Variants in FAM111A observed in about 807,000 individuals in gnomAD.
FAM111A encodes serine protease FAM111A.
Under a neutral mutation model 3.3 loss-of-function variants are expected in FAM111A, and 8 were observed. The observed-to-expected ratio is 2.39, with a 90% CI of 1.40 to 4.32. FAM111A has a LOEUF of 4.32. Ranked by LOEUF, FAM111A falls within the 30% of genes most tolerant of loss-of-function variation. The pLI, the probability that FAM111A is intolerant of heterozygous loss-of-function variation, is 0.00. For synonymous variants in FAM111A, 227 were observed against 243.1 expected (o/e 0.93, Z 0.62); for missense variants, 683 against 727.6 (o/e 0.94, Z 0.71).
chr11:59,146,319 A>C (rs1216943628), intron 4 of FAM111A, among the ~76,000 whole-genome samples: 9 of 152,206 alleles, frequency 5.9e-5, no homozygotes, highest in African/African-American at 2.2e-4. Flanking sequence ...CCTGACTTCA[A>C]GTGATCCATC....
chr11:59,152,213 T>C lies in FAM111A; in HGVS notation c.545T>C (p.Val182Ala). The C allele has an allele frequency of 6.2e-7, 1 of 1,614,158 alleles. No homozygotes were observed. The highest frequency in any genetic ancestry group is 8.5e-7 in the Non-Finnish European group (1 of 1,180,026). Reference sequence around the variant, plus strand: ...CAGGACAAAGCATCGACTGAATGTGTCAAATTTTACATTCATGCAATTGGA... The same window carrying C: ...CAGGACAAAGCATCGACTGAATGTGCCAAATTTTACATTCATGCAATTGGA... Reference protein sequence around the residue: ...GRQDKASTECVKFYIHAIGIG... With the variant: ...GRQDKASTECAKFYIHAIGIG... Residue 182 changes from valine (V) to alanine (A), a missense_variant, in exon 6 of 6, where the codon GTC (valine) becomes GCC (alanine). By Grantham distance (64) the Val-to-Ala change is moderately conservative. Coordinates refer to ENST00000675163, the MANE Select transcript of FAM111A (RefSeq NM_001312909.2).
At chr11:59,147,715 CA>C (rs1298667852) in intron 4 of FAM111A, among the ~76,000 whole-genome samples, 1 of 152,108 alleles carries the variant, frequency 6.6e-6, no homozygotes, top group Non-Finnish European at 1.5e-5. Flanking sequence ...AAAAAATGAA[CA>C]ATTAACTATG....
chr11:59,145,156 C>T (rs142876409), intron 3 of FAM111A: 1 of 152,674 alleles, frequency 6.5e-6, no homozygotes, highest in East Asian at 1.9e-4. Flanking sequence ...TGCCCTTGCC[C>T]CTGGAAAGGC....
Position 59,152,540 on chromosome 11 carries a change from T to G in FAM111A, c.872T>G (p.Val291Gly). ...GAGTCAGAGAAAAGAAACACCTGTG[T>G]GTTGAGAGAACAAATCGTGGCTCAG... is the stretch of plus-strand genomic sequence containing the variant. ...NPESEKRNTCVLREQIVAQYP... is the reference protein window; with the variant it reads ...NPESEKRNTCGLREQIVAQYP... The change falls in exon 6 of 6, where the codon GTG (valine) becomes GGG (glycine). Residue 291 changes from valine (V) to glycine (G), a missense_variant. Coordinates refer to ENST00000675163, the MANE Select transcript of FAM111A (RefSeq NM_001312909.2). 2 of 1,614,094 alleles carry G rather than the reference T, an allele frequency of 1.2e-6. No individual in the cohort carries two copies. Among genetic ancestry groups the G allele is most frequent in the Non-Finnish European group, 1.7e-6 (2 of 1,180,024 alleles).
At position 59,152,908 on chromosome 11, in the gene FAM111A, T is replaced by A. The variant is rs192418278; in HGVS notation, c.1240T>A (p.Tyr414Asn). 6 of 1,614,168 alleles carry A rather than the reference T, an allele frequency of 3.7e-6. No homozygotes were observed. In the South Asian group the frequency reaches 6.6e-5, roughly 18 times the overall value. The stretch of plus-strand genomic sequence containing the variant: ...TCAATGTGTAAGGGTGACATTTGGT[T>A]ATGAAGAGCTAAAAGACAAGGAAAC... ...IGQCVRVTFGYEELKDKETNY... is the reference protein window; with the variant it reads ...IGQCVRVTFGNEELKDKETNY... The change falls in exon 6 of 6, where the codon TAT becomes AAT. Residue 414 changes from tyrosine (Y) to asparagine (N), a missense_variant. By Grantham distance (143) the Tyr-to-Asn change is moderately radical. This residue lies in a region of FAM111A where 557 missense variants were observed against 600.2 expected (regional missense o/e 0.93). Transcript: ENST00000675163.
Position 59,153,074 on chromosome 11 carries a change from T to A in FAM111A, c.1406T>A (p.Ile469Lys), listed in dbSNP as rs1316207448. Residue 469 changes from isoleucine (I) to lysine (K), a missense_variant, in exon 6 of 6, where the codon ATA becomes AAA. Transcript: ENST00000675163. ...GITPVPLSGL[I>K]HIIGHPYGEK... Reference sequence around the variant, plus strand: ...ACTCCTGTGCCACTTAGTGGGTTGATACATATTATTGGCCATCCATATGGA... The same window carrying A: ...ACTCCTGTGCCACTTAGTGGGTTGAAACATATTATTGGCCATCCATATGGA... The A allele has an allele frequency of 6.2e-7, 1 of 1,614,196 alleles. No individual in the cohort carries two copies. The highest frequency in any genetic ancestry group is 1.1e-5 in the South Asian group (1 of 91,082).
chr11:59,151,923 C>T lies in FAM111A; in HGVS notation c.255C>T (p.Asn85=). The change falls in exon 6 of 6, where the codon AAC becomes AAT. Residue 85 remains asparagine (N), a synonymous_variant. Transcript: ENST00000675163. ...CAATATATGTTACCTTGAAGGTAAA[C>T]CACAGGAGAAACCAAGATATGAAAC... The part of the protein sequence containing the change: ...NRTIYVTLKV[N]HRRNQDMKLK... 1 of 1,614,038 alleles carries T rather than the reference C, an allele frequency of 6.2e-7. No homozygotes were observed.
At chr11:59,151,660 A>G (rs1861673188) in intron 5 of FAM111A, 90 bp from the exon 6 acceptor site, 1 of 954,732 alleles carries the variant, frequency 1.0e-6, no homozygotes, top group South Asian at 1.7e-5. Flanking sequence ...TCAGTTTCTC[A>G]TAGGAATTTT....
rs769752882 is a variant in FAM111A at position 59,153,110 on chromosome 11, A to T, written c.1442A>T (p.Gln481Leu). Residue 481 changes from glutamine to leucine, a missense_variant, in exon 6 of 6, where the codon CAG (glutamine) becomes CTG (leucine). This residue lies in a region of FAM111A where 557 missense variants were observed against 600.2 expected (regional missense o/e 0.93). Coordinates refer to ENST00000675163, the MANE Select transcript of FAM111A (RefSeq NM_001312909.2). Reference protein sequence around the residue: ...IIGHPYGEKKQIDACAVIPQG... With the variant: ...IIGHPYGEKKLIDACAVIPQG... ...GGCCATCCATATGGAGAAAAAAAGCAGATTGATGCTTGTGCTGTGATCCCT... is the reference window on the plus strand; with the variant it reads ...GGCCATCCATATGGAGAAAAAAAGCTGATTGATGCTTGTGCTGTGATCCCT... The T allele has an allele frequency of 5.0e-6, 8 of 1,614,236 alleles. No homozygotes were observed. The Admixed American group carries it at 1.3e-4, about 27-fold the overall frequency.
Position 59,153,416 on chromosome 11 carries a change from T to C in FAM111A, c.1748T>C (p.Leu583Pro). The C allele has an allele frequency of 4.3e-6, 7 of 1,614,042 alleles. No individual in the cohort carries two copies. The highest frequency in any genetic ancestry group is 5.9e-6 in the Non-Finnish European group (7 of 1,179,922). Residue 583 changes from leucine to proline, a missense_variant, in exon 6 of 6, where the codon CTT (leucine) becomes CCT (proline). Coordinates refer to ENST00000675163, the MANE Select transcript of FAM111A (RefSeq NM_001312909.2). The part of the protein sequence containing the change: ...EFGSTMESIL[L>P]DIKQRHKPWY... Reference sequence around the variant, plus strand: ...GGCTCTACCATGGAATCCATCCTCCTTGATATTAAGCAAAGACATAAACCA... The same window carrying C: ...GGCTCTACCATGGAATCCATCCTCCCTGATATTAAGCAAAGACATAAACCA...
chr11:59,148,235 T>C (rs1861183725), intron 4 of FAM111A: 1 of 152,220 alleles, frequency 6.6e-6, no homozygotes, highest in Non-Finnish European at 1.5e-5. Flanking sequence ...AAGCAGCAAC[T>C]AAGGTTTCTG....
chr11:59,152,741 G>C lies in FAM111A; in HGVS notation c.1073G>C (p.Gly358Ala). The C allele has an allele frequency of 6.2e-7, 1 of 1,614,120 alleles. No homozygotes were observed. The highest frequency in any genetic ancestry group is 8.5e-7 in the Non-Finnish European group (1 of 1,180,010). ...KLLVRLSDSV[G>A]YLFWDSATTG... is the part of the protein sequence containing the mutation. Reference sequence around the variant, plus strand: ...CTTGTACGTCTCAGTGACTCAGTTGGGTACTTATTCTGGGACAGTGCAACT... The same window carrying C: ...CTTGTACGTCTCAGTGACTCAGTTGCGTACTTATTCTGGGACAGTGCAACT... Residue 358 changes from glycine (G) to alanine (A), a missense_variant, in exon 6 of 6, where the codon GGG becomes GCG. Around this residue, in one of 3 missense-constraint regions of FAM111A, gnomAD observed 557 missense variants for 600.2 expected, o/e 0.93. Transcript: ENST00000675163.
intron 5 of FAM111A, among the ~76,000 whole-genome samples, chr11:59,149,941 A>G (rs1253184387): frequency 2.0e-5 from 3 of 152,194 alleles, no homozygotes; most frequent in Non-Finnish European, 2.9e-5. Flanking sequence ...ATTTATCAAG[A>G]AAAAAGTTGA....
chr11:59,151,939 G>A lies in FAM111A; in HGVS notation c.271G>A (p.Asp91Asn). The change falls in exon 6 of 6, where the codon GAT (aspartate) becomes AAT (asparagine). Residue 91 changes from aspartate (D) to asparagine (N), a missense_variant. Asp to Asn is a conservative substitution (Grantham distance 23). Transcript: ENST00000675163. ...TLKVNHRRNQDMKLKLTHSEN... is the reference protein window; with the variant it reads ...TLKVNHRRNQNMKLKLTHSEN... Reference sequence around the variant, plus strand: ...GAAGGTAAACCACAGGAGAAACCAAGATATGAAACTTAAGCTCACACATAG... The same window carrying A: ...GAAGGTAAACCACAGGAGAAACCAAAATATGAAACTTAAGCTCACACATAG... 2 of 1,614,040 alleles carry A rather than the reference G, an allele frequency of 1.2e-6. No homozygotes were observed. Among genetic ancestry groups the A allele is most frequent in the Non-Finnish European group, 1.7e-6 (2 of 1,180,024 alleles).
At position 59,152,715 on chromosome 11, in the gene FAM111A, T is replaced by C. The variant is rs1861852058; in HGVS notation, c.1047T>C (p.Leu349=). 4 of 1,614,220 alleles carry C rather than the reference T, an allele frequency of 2.5e-6. No individual in the cohort carries two copies. Among genetic ancestry groups the C allele is most frequent in the Non-Finnish European group, 3.4e-6 (4 of 1,180,024 alleles). Residue 349 remains leucine (L), a synonymous_variant, in exon 6 of 6, where the codon CTT becomes CTC. Coordinates refer to ENST00000675163, the MANE Select transcript of FAM111A (RefSeq NM_001312909.2). ...CTTCTTCGATTAAAGTAGTGAAACT[T>C]CTTGTACGTCTCAGTGACTCAGTTG... ...KNSSSIKVVK[L]LVRLSDSVGY...
rs74658848 is a variant in FAM111A at position 59,151,978 on chromosome 11, T to A, written c.310T>A (p.Leu104Ile). ...GCTCACACATAGTGAGAATAGTAGC[T>A]TATATATGGCTCTCAACACTCTCCA... ...LKLTHSENSSLYMALNTLQAV... is the reference protein window; with the variant it reads ...LKLTHSENSSIYMALNTLQAV... The change falls in exon 6 of 6, where the codon TTA becomes ATA. Residue 104 changes from leucine (L) to isoleucine (I), a missense_variant. This residue lies in a region of FAM111A where 557 missense variants were observed against 600.2 expected (regional missense o/e 0.93). Coordinates refer to ENST00000675163, the MANE Select transcript of FAM111A (RefSeq NM_001312909.2). 1.8e-3 allele frequency: 2,845 copies of A among 1,614,162 alleles called. 47 individuals carry two copies. In the African/African-American group the frequency reaches 0.034, roughly 19 times the overall value.
At position 59,153,080 on chromosome 11, in the gene FAM111A, T is replaced by G. The variant is rs768479872; in HGVS notation, c.1412T>G (p.Ile471Ser). 1 of 1,614,202 alleles carries G rather than the reference T, an allele frequency of 6.2e-7. No homozygotes were observed. Residue 471 changes from isoleucine to serine, a missense_variant, in exon 6 of 6, where the codon ATT becomes AGT. Ile to Ser is a moderately radical substitution (Grantham distance 142). This residue lies in a region of FAM111A where 557 missense variants were observed against 600.2 expected (regional missense o/e 0.93). Coordinates refer to ENST00000675163, the MANE Select transcript of FAM111A (RefSeq NM_001312909.2). ...TPVPLSGLIH[I>S]IGHPYGEKKQ... ...GTGCCACTTAGTGGGTTGATACATA[T>G]TATTGGCCATCCATATGGAGAAAAA...
chr11:59,147,687 C>G (rs1861107429), intron 4 of FAM111A, among the ~76,000 whole-genome samples: 1 of 152,148 alleles, frequency 6.6e-6, no homozygotes, highest in Non-Finnish European at 1.5e-5. Context: ...TACTGTTTCA[C>G]TGTTACATAA....
intron 4 of FAM111A, 21 bp from the exon 5 acceptor site, chr11:59,148,776 C>T: frequency 1.2e-6 from 1 of 835,368 alleles, no homozygotes; most frequent in South Asian, 1.5e-5. Context: ...CTAATCTTTT[C>T]CTCTGTACAA....
Sources: gnomAD v4.1 joint callset for allele counts (sites outside exome capture counted in the v4.1 genomes callset) on GRCh38, gnomAD v4.1.1 for gene constraint, gnomAD v4.1.1 regional missense constraint, MANE v1.5 for transcripts, NCBI Gene and HGNC (gene_info 2026-07-23, HGNC 2026-07-21) for gene names.